CD163L1: variants seen among roughly 807,000 people sequenced by gnomAD.
CD163L1 encodes CD163 molecule like 1.
Under a neutral mutation model 165.4 loss-of-function variants are expected in CD163L1, and 124 were observed. The observed-to-expected ratio is 0.75, with a 90% CI of 0.65 to 0.87. The LOEUF is 0.87. CD163L1 is among the 40% of genes least tolerant of loss of function. The pLI is 0.00. For missense variants in CD163L1, 1,525 were observed against 1,799.9 expected (o/e 0.85, Z 2.76); for synonymous variants, 585 against 662.2 (o/e 0.88, Z 1.79).
rs1242558048 is a variant in CD163L1, at chr12:7,372,471, A to T, written c.3730+849T>A. Among the ~76,000 whole-genome samples, 1 of 152,090 alleles carries T rather than the reference A, an allele frequency of 6.6e-6. No homozygotes were observed. Among genetic ancestry groups the T allele is most frequent in the African/African-American group, 2.4e-5 (1 of 41,452 alleles). ...AGTTTGACATTGAGAAATAGCCTTA[A>T]TACCAATAATCACATGGTTATTTAT... On this transcript the variant is annotated intron_variant, in intron 14 of 19. Transcript: ENST00000313599. This position sits in a 1 kb window ranked among gnomAD's most constrained non-coding sequence, Gnocchi z 4.2.
chr12:7,382,544 T>C (rs1350167124), intron 8 of CD163L1, among the ~76,000 whole-genome samples: 1 of 152,074 alleles, frequency 6.6e-6, no homozygotes, highest in Non-Finnish European at 1.5e-5. Flanking sequence ...AAAGAATAAA[T>C]GAGAGATTCC....
intron 8 of CD163L1, among the ~76,000 whole-genome samples, chr12:7,390,579 T>C (rs1360226635): frequency 1.3e-5 from 2 of 152,156 alleles, no homozygotes; most frequent in African/African-American, 2.4e-5. Context: ...AATTGGAAGA[T>C]CTTCTCTGAA....
chr12:7,387,279 GA>G (rs1298123689), intron 8 of CD163L1, among the ~76,000 whole-genome samples: 2 of 152,136 alleles, frequency 1.3e-5, no homozygotes, highest in African/African-American at 4.8e-5. Context: ...CCAAGGAGGT[GA>G]AAGACTTCTA....
chr12:7,320,574 T>C, the CD163L1 span: 15 of 618,446 alleles, frequency 2.4e-5, no homozygotes, highest in African/African-American at 2.8e-4. Flanking sequence ...CAGTCACTAG[T>C]GACAAGTAAT....
Position 7,441,136 on chromosome 12 carries a change from T to C in CD163L1, c.124+18A>G, listed in dbSNP as rs199640490. ...TAGAGGATTGTAAGCCCAAAAGTTA[T>C]CATCCATCAGAACTCACTAAAACTG... On this transcript the variant is annotated intron_variant, in intron 2 of 19. Coordinates refer to ENST00000313599, the MANE Select transcript of CD163L1 (RefSeq NM_174941.6). 4 of 1,576,338 alleles carry C rather than the reference T, an allele frequency of 2.5e-6. No homozygotes were observed. Among genetic ancestry groups the C allele is most frequent in the Middle Eastern group, 1.7e-4 (1 of 5,988 alleles).
chr12:7,407,905 C>T (rs1233776202), intron 4 of CD163L1, among the ~76,000 whole-genome samples: 1 of 151,896 alleles, frequency 6.6e-6, no homozygotes, highest in Non-Finnish European at 1.5e-5. Flanking sequence ...TCTGCAGATG[C>T]TCAAGTCCCT....
chr12:7,322,342 T>C, the CD163L1 span: 3 of 1,592,808 alleles, frequency 1.9e-6, no homozygotes, highest in South Asian at 1.1e-5. Context: ...TGCTTACTGC[T>C]TGAATGTCCT....
the CD163L1 span, among the ~76,000 whole-genome samples, chr12:7,331,900 C>T: frequency 6.6e-6 from 1 of 152,204 alleles, no homozygotes; most frequent in African/African-American, 2.4e-5. Flanking sequence ...AGGAACGCAG[C>T]TCCTCACCAG....
Position 7,368,195 on chromosome 12 carries a change from G to A in CD163L1, c.4075C>T (p.His1359Tyr). 6.6e-7 allele frequency: 1 copy of A among 1,518,204 alleles called. No individual in the cohort carries two copies. Among genetic ancestry groups the A allele is most frequent in the Non-Finnish European group, 9.1e-7 (1 of 1,093,578 alleles). 94.0% of individuals were successfully genotyped at this position (1,518,204 alleles called of 1,614,324 possible). Residue 1359 changes from histidine to tyrosine, a missense_variant and splice_region_variant, in exon 17 of 20, where the codon CAT becomes TAT. Physicochemically the swap from His to Tyr is moderately conservative, Grantham distance 83. Coordinates refer to ENST00000313599, the MANE Select transcript of CD163L1 (RefSeq NM_174941.6). This position sits in a 1 kb window ranked among gnomAD's most constrained non-coding sequence, Gnocchi z 4.3. ...SLKSLNASSGHLALILSSIFG... is the reference protein window; with the variant it reads ...SLKSLNASSGYLALILSSIFG... ...ATACTGGATAAAATAAGTGCTAAAT[G>A]ACCTGTATAGAAATTAAGCATTGAT...
At chr12:7,366,719 T>C (rs1947027953) in intron 18 of CD163L1, among the ~76,000 whole-genome samples, 1 of 152,146 alleles carries the variant, frequency 6.6e-6, no homozygotes, top group Admixed American at 6.5e-5. Context: ...ATGGTGTTCA[T>C]TGTATTGTCA....
In CD163L1 at chr12:7,375,023, A is replaced by T. The variant is rs1947234432; in HGVS notation, c.3002-100T>A. ...CATGGAATCTGCAATTGTGATAAGG[A>T]CTTTTCAAACCCTGTCGTCTATTGA... On this transcript the variant is annotated intron_variant, in intron 11 of 19. Transcript: ENST00000313599. 8 of 1,120,296 alleles carry T rather than the reference A, an allele frequency of 7.1e-6. No individual in the cohort carries two copies. In the Admixed American group the frequency reaches 1.3e-4, roughly 18 times the overall value. 69.4% of individuals were successfully genotyped at this position (1,120,296 alleles called of 1,614,324 possible).
At chr12:7,430,866 C>A (rs775758621) in intron 4 of CD163L1, among the ~76,000 whole-genome samples, 19 of 151,876 alleles carry the variant, frequency 1.3e-4, no homozygotes, top group Admixed American at 1.2e-3. Context: ...CATGAAAGAA[C>A]GCAGCAGAGA....
At chr12:7,441,328 T>G in intron 1 of CD163L1, 82 bp from the exon 2 acceptor site, 1 of 972,654 alleles carries the variant, frequency 1.0e-6, no homozygotes, top group Admixed American at 1.9e-5. Flanking sequence ...AAATCCAAAA[T>G]AAAATAGAAG....
intron 17 of CD163L1, 146 bp from the exon 18 acceptor site, chr12:7,367,477 T>G: frequency 4.1e-6 from 2 of 483,994 alleles, no homozygotes; most frequent in Admixed American, 3.3e-5. Flanking sequence ...GCTAGTGAAT[T>G]TTTTACATTT....
In CD163L1 at chr12:7,410,573, C is replaced by A. The variant is rs189862785; in HGVS notation, c.767-3721G>T. Among the ~76,000 whole-genome samples the A allele has an allele frequency of 5.3e-5, 8 of 150,272 alleles. No homozygotes were observed. The East Asian group carries it at 1.4e-3, about 26-fold the overall frequency. ...GAGCTGAGATCACACCACCGCACTC[C>A]AGCCTGAGTGACAGAGCGAGAGTCC... On this transcript the variant is annotated intron_variant, in intron 4 of 19. Transcript: ENST00000313599.
At position 7,379,292 on chromosome 12, in the gene CD163L1, G is replaced by A. The variant is rs766336616; in HGVS notation, c.2057C>T (p.Ser686Leu). ...EDVGVICSDA[S>L]DMELRLVGGS... is the part of the protein sequence containing the mutation. ...ACCCACAAGCCTCAGCTCCATATCC[G>A]ATGCATCTGAAACCAAATACCACAA... The change falls in exon 9 of 20, where the codon TCG (serine) becomes TTG (leucine). Residue 686 changes from serine to leucine, a missense_variant. Ser to Leu is a moderately radical substitution (Grantham distance 145, BLOSUM62 -2). Coordinates refer to ENST00000313599, the MANE Select transcript of CD163L1 (RefSeq NM_174941.6). 3.2e-5 allele frequency: 52 copies of A among 1,613,334 alleles called. No individual in the cohort carries two copies. In the South Asian group the frequency reaches 4.3e-4, roughly 13 times the overall value.
At position 7,396,216 on chromosome 12, in the gene CD163L1, T is replaced by G; in HGVS notation, c.1929A>C (p.Gly643=). 6.2e-7 allele frequency: 1 copy of G among 1,614,190 alleles called. No individual in the cohort carries two copies. The highest frequency in any genetic ancestry group is 8.5e-7 in the Non-Finnish European group (1 of 1,180,030). Residue 643 remains glycine, a synonymous_variant, in exon 8 of 20, where the codon GGA becomes GGC. Coordinates refer to ENST00000313599, the MANE Select transcript of CD163L1 (RefSeq NM_174941.6). ...MGLGNASTGY[G]KIWLDDVSCD... ...AGGAAACATCATCGAGCCAAATTTTTCCATATCCTGTAGAAGCGTTTCCCA... is the reference window on the plus strand; with the variant it reads ...AGGAAACATCATCGAGCCAAATTTTGCCATATCCTGTAGAAGCGTTTCCCA...
At chr12:7,361,459 T>C (rs1946889493) in intron 18 of CD163L1, among the ~76,000 whole-genome samples, 1 of 152,094 alleles carries the variant, frequency 6.6e-6, no homozygotes, top group South Asian at 2.1e-4. Context: ...ATAACAGGGG[T>C]CATTCTTTCA....
At chr12:7,354,910 T>A (rs1024752423), downstream of CD163L1, 1 of 152,154 alleles carries the variant, frequency 6.6e-6, no homozygotes, top group Non-Finnish European at 1.5e-5. Flanking sequence ...GATTTCAACA[T>A]ACAAATTTTT....
Sources: gnomAD v4.1 joint callset for allele counts (sites outside exome capture counted in the v4.1 genomes callset) on GRCh38, gnomAD v4.1.1 for gene constraint, Gnocchi (gnomAD v3.1) non-coding constraint, MANE v1.5 for transcripts, NCBI Gene and HGNC (gene_info 2026-07-23, HGNC 2026-07-21) for gene names.